Variants in CCDC141 observed in about 807,000 individuals in gnomAD.
CCDC141 encodes coiled-coil domain-containing protein 141.
CCDC141 carries 168 observed loss-of-function variants against 181.0 expected under a neutral mutation model. The observed-to-expected ratio is 0.93, with a 90% confidence interval of 0.82 to 1.05. The LOEUF (loss-of-function observed/expected upper bound fraction) is 1.05. CCDC141 is among the 50% of genes least tolerant of loss of function. CCDC141 has a pLI of 0.00. For synonymous variants in CCDC141, 666 were observed against 642.3 expected (o/e 1.04, Z -0.56); for missense variants, 1,902 against 1,788.5 (o/e 1.06, Z -1.14).
chr2:179,014,699 G>A (rs1451795143), intron 2 of CCDC141, among the ~76,000 whole-genome samples: 1 of 152,018 alleles, frequency 6.6e-6, no homozygotes, highest in Non-Finnish European at 1.5e-5. Context: ...TCAGGAAAAT[G>A]CAAATCAAAA....
At chr2:179,031,913 C>T (rs185622126) in intron 2 of CCDC141, among the ~76,000 whole-genome samples, 25 of 152,164 alleles carry the variant, frequency 1.6e-4, no homozygotes, top group Admixed American at 1.5e-3. Flanking sequence ...AAGTGCAAAA[C>T]ATGTCTTATG....
intron 2 of CCDC141, among the ~76,000 whole-genome samples, chr2:178,986,336 T>C (rs1290891205): frequency 2.0e-5 from 3 of 152,114 alleles, no homozygotes; most frequent in Non-Finnish European, 4.4e-5. Flanking sequence ...AAGAGCTATC[T>C]ATGACAAACC....
chr2:178,888,473 C>G, intron 9 of CCDC141, 54 bp downstream of exon 9: 1 of 1,507,126 alleles, frequency 6.6e-7, no homozygotes, highest in Non-Finnish European at 9.0e-7. Flanking sequence ...ACTGCCCTAC[C>G]ATATCATCTA....
At chr2:178,920,591 C>T (rs1015827674) in intron 6 of CCDC141, among the ~76,000 whole-genome samples, 10 of 151,874 alleles carry the variant, frequency 6.6e-5, no homozygotes, top group African/African-American at 1.9e-4. Flanking sequence ...GGCATAGTGG[C>T]GCATGCTTGT....
At chr2:179,020,986 T>C (rs1189919707) in intron 2 of CCDC141, among the ~76,000 whole-genome samples, 5 of 152,200 alleles carry the variant, frequency 3.3e-5, no homozygotes, top group Non-Finnish European at 7.3e-5. Context: ...ACATGCGGGC[T>C]GATTAGCATG....
chr2:178,958,275 C>G (rs1335803790), intron 5 of CCDC141, among the ~76,000 whole-genome samples: 2 of 152,030 alleles, frequency 1.3e-5, no homozygotes, highest in East Asian at 4.0e-4. Flanking sequence ...GAATGTACAT[C>G]ATCAAGAGTG....
In CCDC141 at chr2:178,830,610, T is replaced by C. The variant is rs1407885755; in HGVS notation, c.*3563A>G. 5 of 152,242 alleles carry C rather than the reference T, an allele frequency of 3.3e-5. No individual in the cohort carries two copies. The East Asian group carries it at 9.6e-4, about 29-fold the overall frequency. The allele number at this position is 152,242 out of a possible 1,614,324, so 9.4% of individuals were successfully genotyped here. A position where few individuals can be genotyped will look rare whatever the true frequency, so the allele number is the denominator to read the frequency against. ...CAATACAATGACAACAGGGCTGTCA[T>C]GAATCCTGCTGATAAGGTTCTTACA... On this transcript the variant is annotated 3_prime_UTR_variant, in exon 24 of 24. Transcript: ENST00000443758.
chr2:179,007,647 A>T (rs535694070), intron 2 of CCDC141, among the ~76,000 whole-genome samples: 45 of 152,268 alleles, frequency 3.0e-4, no homozygotes, highest in African/African-American at 9.6e-4. Context: ...TAATTTTTTT[A>T]AAAAATTTAA....
At chr2:178,914,880 G>A (rs1688374370) in intron 7 of CCDC141, among the ~76,000 whole-genome samples, 1 of 152,014 alleles carries the variant, frequency 6.6e-6, no homozygotes, top group South Asian at 2.1e-4. Context: ...TTAGAGAGGG[G>A]AATGAATGAA....
intron 18 of CCDC141, among the ~76,000 whole-genome samples, chr2:178,855,799 T>C (rs1358142374): frequency 6.6e-6 from 1 of 152,230 alleles, no homozygotes; most frequent in Non-Finnish European, 1.5e-5. Context: ...TTTAAAGACA[T>C]TGATGATTAA....
intron 15 of CCDC141, 125 bp from the exon 16 acceptor site, chr2:178,868,330 T>C: frequency 1.4e-6 from 1 of 713,092 alleles, no homozygotes; most frequent in Non-Finnish European, 2.3e-6. Context: ...TTTAAACTGT[T>C]GGCATTAGCC....
In CCDC141 at chr2:178,895,217, G is replaced by C. The variant is rs554072619; in HGVS notation, c.1266-6549C>G. On this transcript the variant is annotated intron_variant, in intron 8 of 23. Transcript: ENST00000443758. The stretch of plus-strand genomic sequence containing the variant: ...TTTCCCTAGTTTCTGGAAATATTTA[G>C]CTGGTTTTCGGGTTTGCACTATTAT... 2.0e-5 allele frequency among the ~76,000 whole-genome samples: 3 copies of C among 152,258 alleles called. No homozygotes were observed. In the East Asian group the frequency reaches 5.8e-4, roughly 29 times the overall value.
At chr2:178,875,972 T>C (rs1434453716) in intron 12 of CCDC141, 1 of 152,174 alleles carries the variant, frequency 6.6e-6, no homozygotes, top group Non-Finnish European at 1.5e-5. Context: ...TTTTCTTTTT[T>C]TTTGCAGTAA....
At chr2:178,908,495 G>C (rs374803850) in intron 7 of CCDC141, among the ~76,000 whole-genome samples, 3 of 152,080 alleles carry the variant, frequency 2.0e-5, no homozygotes, top group African/African-American at 7.2e-5. Flanking sequence ...CCCAGCCGAG[G>C]GTTAGTTTTA....
the CCDC141 span, among the ~76,000 whole-genome samples, chr2:178,821,129 CA>C: frequency 2.0e-5 from 3 of 152,094 alleles, no homozygotes; most frequent in African/African-American, 7.2e-5. Flanking sequence ...TTTCATCACT[CA>C]ACAAAGCCAC....
At chr2:178,825,435 G>A (rs1684109005), downstream of CCDC141, 1 of 151,984 alleles carries the variant, frequency 6.6e-6, no homozygotes, top group South Asian at 2.1e-4. Flanking sequence ...TGTTATTATT[G>A]GAGAAAGCCC....
At chr2:178,845,564 G>A (rs1488383006) in intron 22 of CCDC141, 62 bp downstream of exon 22, 6 of 885,228 alleles carry the variant, frequency 6.8e-6, no homozygotes, top group Admixed American at 5.4e-5. Context: ...TTTTGCAATG[G>A]ACAATGACTT....
In CCDC141 at chr2:178,853,441, C is replaced by T. The variant is rs1685250559; in HGVS notation, c.3244G>A (p.Gly1082Ser). The T allele has an allele frequency of 6.2e-7, 1 of 1,613,452 alleles. No homozygotes were observed. Among genetic ancestry groups the T allele is most frequent in the Admixed American group, 1.7e-5 (1 of 59,898 alleles). ...EATDLAQHLY[G>S]LEEGQKYIEK... ...CTGGATATCTTAAAAGAGATCTCAC[C>T]ATATAAGTGCTGAGCAAGGTCAGTG... Residue 1082 changes from glycine to serine, a missense_variant and splice_region_variant, in exon 20 of 24, where the codon GGT becomes AGT. Physicochemically the swap from Gly to Ser is moderately conservative, Grantham distance 56 (BLOSUM62 0). Transcript: ENST00000443758.
rs746167856 is a variant in CCDC141, at chr2:178,871,498, C to G, written c.2134G>C (p.Asp712His). 1.9e-6 allele frequency: 3 copies of G among 1,614,014 alleles called. No homozygotes were observed. The South Asian group carries it at 3.3e-5, about 18-fold the overall frequency. Residue 712 changes from aspartate (D) to histidine (H), a missense_variant, in exon 14 of 24, where the codon GAC becomes CAC. Asp to His is a moderately conservative substitution (Grantham distance 81). Transcript: ENST00000443758. ...QEALMPVSAL[D>H]LGGSLQFILD... ...ATGAACTGGAGGCTCCCTCCGAGGT[C>G]AAGTGCAGACACAGGCATAAGTGCT...
Sources: allele counts gnomAD v4.1 joint callset (sites outside exome capture counted in the v4.1 genomes callset), GRCh38; gene constraint gnomAD v4.1.1; transcripts MANE v1.5; gene names NCBI Gene and HGNC (gene_info 2026-07-23, HGNC 2026-07-21).